Variants in TRPM7 observed in about 807,000 individuals in gnomAD.
TRPM7 encodes LTRPC ion channel family member 7.
Under a neutral mutation model 229.7 loss-of-function variants are expected in TRPM7, and 134 were observed. The ratio of observed to expected loss-of-function variants is 0.58; its 90% CI spans 0.51 to 0.67. The LOEUF is 0.67. TRPM7 is among the 30% of genes least tolerant of loss of function. The probability of loss-of-function intolerance (pLI) is 0.00; values close to 1 mark genes in which losing one functional copy is unlikely to be tolerated. For missense variants in TRPM7, 1,901 were observed against 2,210.0 expected (o/e 0.86, Z 2.80); for synonymous variants, 699 against 715.2 (o/e 0.98, Z 0.36).
chr15:50,633,684 C>T (rs566927730), intron 8 of TRPM7, among the ~76,000 whole-genome samples: 1 of 152,296 alleles, frequency 6.6e-6, no homozygotes, highest in African/African-American at 2.4e-5. Flanking sequence ...TACACCATAA[C>T]TTATCTAGTC....
intron 9 of TRPM7, among the ~76,000 whole-genome samples, chr15:50,631,761 C>A (rs2060741785): frequency 6.6e-6 from 1 of 152,062 alleles, no homozygotes; most frequent in Non-Finnish European, 1.5e-5. Context: ...TTTCATATTA[C>A]ATTCATATTT....
chr15:50,685,729 T>C (rs2062343459), intron 1 of TRPM7, among the ~76,000 whole-genome samples: 1 of 152,126 alleles, frequency 6.6e-6, no homozygotes, highest in African/African-American at 2.4e-5. Context: ...TCAAAATTGG[T>C]TCCTGATATC....
At chr15:50,583,588 T>TTTC (rs1387539364) in intron 28 of TRPM7, among the ~76,000 whole-genome samples, 1 of 151,812 alleles carries the variant, frequency 6.6e-6, no homozygotes, top group Non-Finnish European at 1.5e-5. Context: ...TTGTTTTTTT[T>TTTC]TTTTTGAGAC....
chr15:50,614,337 G>A lies in TRPM7; in HGVS notation c.1495-74C>T. On this transcript the variant is annotated intron_variant, in intron 13 of 38. Coordinates refer to ENST00000646667, the MANE Select transcript of TRPM7 (RefSeq NM_017672.6). Reference sequence around the variant, plus strand: ...ATTGCCATGCCCTGCCTAGGAACAGGCCTACTCTCCAAAATGACAAATGTT... The same window carrying A: ...ATTGCCATGCCCTGCCTAGGAACAGACCTACTCTCCAAAATGACAAATGTT... 7 of 1,315,294 alleles carry A rather than the reference G, an allele frequency of 5.3e-6. No homozygotes were observed. The South Asian group carries it at 1.0e-4, about 19-fold the overall frequency. 81.5% of individuals were successfully genotyped at this position (1,315,294 alleles called of 1,614,324 possible). A position where few individuals can be genotyped will look rare whatever the true frequency, so the allele number is the denominator to read the frequency against.
At chr15:50,653,654 G>C (rs565363899) in intron 3 of TRPM7, among the ~76,000 whole-genome samples, 5 of 152,254 alleles carry the variant, frequency 3.3e-5, no homozygotes, top group Non-Finnish European at 7.4e-5. Context: ...GAAAACAGTA[G>C]ACACTGGGCC....
chr15:50,608,281 G>T (rs1195254821), intron 19 of TRPM7, among the ~76,000 whole-genome samples: 1 of 149,000 alleles, frequency 6.7e-6, no homozygotes, highest in Admixed American at 6.8e-5. Context: ...ATACATGTGA[G>T]TATTTATTTC....
intron 4 of TRPM7, among the ~76,000 whole-genome samples, chr15:50,647,928 G>A (rs2061316007): frequency 6.6e-6 from 1 of 152,128 alleles, no homozygotes; most frequent in Non-Finnish European, 1.5e-5. Context: ...TATTTACATT[G>A]TATTGGGCAT....
chr15:50,590,238 G>A lies in TRPM7; in HGVS notation c.4325-582C>T, dbSNP rs150700234. Among the ~76,000 whole-genome samples, 22 of 150,636 alleles carry A rather than the reference G, an allele frequency of 1.5e-4. No homozygotes were observed. In the East Asian group the frequency reaches 3.9e-3, roughly 27 times the overall value. ...AACATGTGATATGAATAAATAGCTC[G>A]AAATTTAAAAGAAAAAAGGGGACCA... On this transcript the variant is annotated intron_variant, in intron 26 of 38. Coordinates refer to ENST00000646667, the MANE Select transcript of TRPM7 (RefSeq NM_017672.6).
chr15:50,611,515 G>A (rs1040456205), intron 16 of TRPM7, among the ~76,000 whole-genome samples, 194 bp from the exon 17 acceptor site: 14 of 152,052 alleles, frequency 9.2e-5, no homozygotes, highest in East Asian at 3.8e-4. Flanking sequence ...AAAATATGTC[G>A]CATTATGTAC....
chr15:50,679,727 G>A (rs1283707692), intron 1 of TRPM7, among the ~76,000 whole-genome samples: 1 of 150,560 alleles, frequency 6.6e-6, no homozygotes, highest in South Asian at 2.1e-4. Context: ...GTAGAGGTGG[G>A]GTTATCTACG....
At chr15:50,650,152 C>T (rs946707798) in intron 3 of TRPM7, among the ~76,000 whole-genome samples, 10 of 126,118 alleles carry the variant, frequency 7.9e-5, no homozygotes, top group African/African-American at 3.1e-4. Context: ...GAGATTGGGC[C>T]ACTGCACTCC....
In TRPM7 at chr15:50,561,175, T is replaced by C. The variant is rs11070795; in HGVS notation, c.*503A>G. On this transcript the variant is annotated 3_prime_UTR_variant, in exon 39 of 39. Transcript: ENST00000646667. Reference sequence around the variant, plus strand: ...TTAGAACAAGTCATTTCCCTTCCCGTGGCCAACAAGCATCTAGTTGGGAAC... The same window carrying C: ...TTAGAACAAGTCATTTCCCTTCCCGCGGCCAACAAGCATCTAGTTGGGAAC... 50,197 of 152,864 alleles carry C rather than the reference T, an allele frequency of 0.33. 9,119 individuals carry two copies. Among genetic ancestry groups the C allele is most frequent in the South Asian group, 0.43 (2,066 of 4,826 alleles). The allele number at this position is 152,864 out of a possible 1,614,324, so 9.5% of individuals were successfully genotyped here.
chr15:50,646,994 G>A (rs1344586031), intron 4 of TRPM7, among the ~76,000 whole-genome samples: 1 of 152,086 alleles, frequency 6.6e-6, no homozygotes, highest in Non-Finnish European at 1.5e-5. Context: ...ATACCATCTA[G>A]GTCTGAATAC....
intron 36 of TRPM7, among the ~76,000 whole-genome samples, chr15:50,570,903 G>GA (rs1034126514): frequency 4.0e-5 from 6 of 151,654 alleles, no homozygotes; most frequent in Middle Eastern, 3.4e-3. Flanking sequence ...GGATTTAAGG[G>GA]AAAAAAACCA....
At chr15:50,608,405 A>G (rs2059977352) in intron 19 of TRPM7, among the ~76,000 whole-genome samples, 1 of 150,258 alleles carries the variant, frequency 6.7e-6, no homozygotes, top group Non-Finnish European at 1.5e-5. Flanking sequence ...CAGTCCTAGA[A>G]TAAGTCACAT....
rs149180442 is a variant in TRPM7 at position 50,574,486 on chromosome 15, A to C, written c.5103-7T>G. 95 of 1,602,508 alleles carry C rather than the reference A, an allele frequency of 5.9e-5. No individual in the cohort carries two copies. In the African/African-American group the frequency reaches 1.2e-3, roughly 20 times the overall value. ...CAGGAAAACTTCAAGGAACCTTATA[A>C]AAAATAGTTATAAATATTACTAGCA... is the stretch of plus-strand genomic sequence containing the variant. On this transcript the variant is annotated splice_region_variant and splice_polypyrimidine_tract_variant and intron_variant, in intron 35 of 38. Coordinates refer to ENST00000646667, the MANE Select transcript of TRPM7 (RefSeq NM_017672.6).
chr15:50,621,902 C>T (rs1208719267), intron 12 of TRPM7, among the ~76,000 whole-genome samples: 1 of 151,922 alleles, frequency 6.6e-6, no homozygotes, highest in African/African-American at 2.4e-5. Context: ...TGGTGGTGGG[C>T]ATCTATAATC....
chr15:50,617,129 A>G (rs2060243272), intron 13 of TRPM7, among the ~76,000 whole-genome samples: 1 of 134,800 alleles, frequency 7.4e-6, no homozygotes, highest in Non-Finnish European at 1.6e-5. Flanking sequence ...ATCTCTACCA[A>G]AAAAATAAAT....
At chr15:50,564,901 C>T (rs1596044561) in intron 38 of TRPM7, among the ~76,000 whole-genome samples, 2 of 152,060 alleles carry the variant, frequency 1.3e-5, no homozygotes, top group East Asian at 3.8e-4. Context: ...ACAATTATAG[C>T]TCACCTTAAT....
Sources: gnomAD v4.1 joint callset for allele counts (sites outside exome capture counted in the v4.1 genomes callset) on GRCh38, gnomAD v4.1.1 for gene constraint, MANE v1.5 for transcripts, NCBI Gene and HGNC (gene_info 2026-07-23, HGNC 2026-07-21) for gene names.